Variants in NCOR2 observed in about 807,000 individuals in gnomAD.
NCOR2 encodes nuclear receptor corepressor 2, also known as CTG repeat protein 26.
NCOR2 carries 81 observed loss-of-function variants against 262.9 expected under a neutral mutation model. The observed-to-expected ratio is 0.31, with a 90% CI of 0.26 to 0.37. The LOEUF (loss-of-function observed/expected upper bound fraction) is 0.37. Ranked by LOEUF, NCOR2 falls within the 10% of genes least tolerant of loss-of-function variation. The pLI is 1.00. For missense variants in NCOR2, 3,385 were observed against 3,621.4 expected, an observed-to-expected ratio of 0.93 and a Z score of 1.68; for synonymous variants, 1,659 against 1,559.3, an observed-to-expected ratio of 1.06 and a Z score of -1.51.
At chr12:124,366,041 C>T (rs537459966) in intron 20 of NCOR2, among the ~76,000 whole-genome samples, 1 of 152,188 alleles carries the variant, frequency 6.6e-6, no homozygotes, top group South Asian at 2.1e-4. Flanking sequence ...CTTTGGAAAG[C>T]AGTCGGTGAG....
In NCOR2 at chr12:124,473,109, A is replaced by G. The variant is rs370010899; in HGVS notation, c.434T>C (p.Leu145Pro). The change falls in exon 4 of 47, where the codon CTG (leucine) becomes CCG (proline). Residue 145 changes from leucine to proline, a missense_variant. Transcript: ENST00000405201. ...GGGGCTGGGGGGAGACACCGGTTCC[A>G]GCTTGCCCGTCAGGCTACGGTCCTG... The G allele has an allele frequency of 6.2e-7, 1 of 1,613,994 alleles. No homozygotes were observed. The highest frequency in any genetic ancestry group is 1.3e-5 in the African/African-American group (1 of 75,038).
At chr12:124,540,353 G>C (rs1157377601), upstream of NCOR2, among the ~76,000 whole-genome samples, 1 of 145,076 alleles carries the variant, frequency 6.9e-6, no homozygotes, top group Non-Finnish European at 1.5e-5. Context: ...CTGTGCAAAG[G>C]CCCAGGGGCA....
chr12:124,496,219 C>T (rs547752172), upstream of NCOR2, among the ~76,000 whole-genome samples: 119 of 151,944 alleles, frequency 7.8e-4, no homozygotes, highest in African/African-American at 2.8e-3. This position sits in a 1 kb window ranked among gnomAD's most constrained non-coding sequence, Gnocchi z 4.4. Context: ...TGCCAGGAAA[C>T]CCCTAAGCAC....
At chr12:124,464,005 GGAATAAAATCCCTGCCCTTAC>G (rs2136618266) in intron 5 of NCOR2, among the ~76,000 whole-genome samples, 1 of 152,346 alleles carries the variant, frequency 6.6e-6, no homozygotes, top group East Asian at 1.9e-4. Context: ...AAAGTGGGCA[GGAATAAAATCCCTGCCCTTAC>G]GGAGTTTCCA....
intron 38 of NCOR2, chr12:124,335,911 C>G: frequency 2.2e-6 from 1 of 455,206 alleles, no homozygotes; most frequent in East Asian, 3.4e-5. Flanking sequence ...GAGATGGGTT[C>G]AGGTGGTGGA....
intron 4 of NCOR2, among the ~76,000 whole-genome samples, chr12:124,471,308 C>T (rs1471414899): frequency 6.6e-6 from 1 of 152,206 alleles, no homozygotes; most frequent in Non-Finnish European, 1.5e-5. Context: ...GCCCTTGATC[C>T]TCCTTGGAGC....
Position 124,398,130 on chromosome 12 carries a change from G to A in NCOR2, c.1865C>T (p.Thr622Ile), listed in dbSNP as rs369027135. 1.9e-6 allele frequency: 3 copies of A among 1,614,232 alleles called. No individual in the cohort carries two copies. Among genetic ancestry groups the A allele is most frequent in the Admixed American group, 3.3e-5 (2 of 60,036 alleles). Residue 622 changes from threonine to isoleucine, a missense_variant, in exon 16 of 47, where the codon ACA becomes ATA. Thr to Ile is a moderately conservative substitution (Grantham distance 89). Transcript: ENST00000405201. Reference sequence around the variant, plus strand: ...CACACACCCCTCACCTTTCTTGGCTGTTTCCATTTCTTCTTCTGTCCAGCG... The same window carrying A: ...CACACACCCCTCACCTTTCTTGGCTATTTCCATTTCTTCTTCTGTCCAGCG...
intron 12 of NCOR2, 27 bp from the exon 15 acceptor site, chr12:124,420,082 A>G: frequency 6.3e-7 from 1 of 1,576,986 alleles, no homozygotes; most frequent in Non-Finnish European, 8.7e-7. Context: ...GAGGACGCTG[A>G]GCAGGGTACA....
chr12:124,340,546 C>T (rs1392820962), intron 35 of NCOR2, 56 bp downstream of exon 37: 8 of 1,528,450 alleles, frequency 5.2e-6, no homozygotes, highest in African/African-American at 1.4e-5. Context: ...CGCCCATCCC[C>T]CAGCCGCCTC....
chr12:124,325,399 G>C (rs2034540994), exon 47 of NCOR2: 2 of 281,282 alleles, frequency 7.1e-6, no homozygotes, highest in Admixed American at 1.2e-4. Context: ...GCCCTGTTCT[G>C]AGTCACTCGC....
chr12:124,524,592 C>T (rs1437464362), intron 1 of NCOR2, among the ~76,000 whole-genome samples: 1 of 152,194 alleles, frequency 6.6e-6, no homozygotes, highest in African/African-American at 2.4e-5. Flanking sequence ...CACCTAGATC[C>T]AGCCGTGCCT....
intron 1 of NCOR2, among the ~76,000 whole-genome samples, chr12:124,506,859 C>T (rs1037029796): frequency 2.0e-5 from 3 of 152,148 alleles, no homozygotes; most frequent in African/African-American, 7.2e-5. Flanking sequence ...TGGGCTGTGA[C>T]GGCAGGAGAG....
At chr12:124,542,231 G>A (rs1035118540) in intron 1 of NCOR2, among the ~76,000 whole-genome samples, 1 of 152,000 alleles carries the variant, frequency 6.6e-6, no homozygotes, top group Non-Finnish European at 1.5e-5. Flanking sequence ...GGAACAGGGC[G>A]GGCCATTGCC....
exon 37 of NCOR2, chr12:124,340,147 G>A: frequency 6.2e-7 from 1 of 1,601,788 alleles, no homozygotes; most frequent in Non-Finnish European, 8.5e-7. Context: ...GGAGTGGGAG[G>A]CGGGGCGGCT....
exon 5 of NCOR2, chr12:124,466,229 G>A: frequency 1.2e-6 from 2 of 1,610,332 alleles, no homozygotes; most frequent in Non-Finnish European, 1.7e-6. Context: ...TCGATGGGCG[G>A]CGGTGACACG....
intron 18 of NCOR2, among the ~76,000 whole-genome samples, chr12:124,376,884 C>T (rs551618084): frequency 9.9e-5 from 15 of 152,162 alleles, no homozygotes; most frequent in South Asian, 2.1e-4. Context: ...TGGGCTCCGC[C>T]GGGCTGCTTG....
intron 44 of NCOR2, chr12:124,328,849 C>A (rs11830184): frequency 5.5e-5 from 13 of 234,420 alleles, no homozygotes; most frequent in African/African-American, 2.8e-4. Flanking sequence ...TGGCTGCCTG[C>A]GTTTTCTTTT....
At chr12:124,375,154 C>A (rs1190767054) in intron 18 of NCOR2, among the ~76,000 whole-genome samples, 1 of 152,218 alleles carries the variant, frequency 6.6e-6, no homozygotes, top group Non-Finnish European at 1.5e-5. Flanking sequence ...GAGGGGAGAG[C>A]ACTGAGCCCA....
intron 24 of NCOR2, 88 bp from the exon 27 acceptor site, chr12:124,355,027 A>T: frequency 8.8e-7 from 1 of 1,136,192 alleles, no homozygotes; most frequent in South Asian, 1.4e-5. Flanking sequence ...CAAAAAGCCC[A>T]CGTGTGGGTC....
Sources: allele counts gnomAD v4.1 joint callset (sites outside exome capture counted in the v4.1 genomes callset), GRCh38; gene constraint gnomAD v4.1.1; non-coding constraint Gnocchi (gnomAD v3.1); transcripts MANE v1.5; gene names NCBI Gene and HGNC (gene_info 2026-07-23, HGNC 2026-07-21).